CIDEC: variants seen among roughly 807,000 people sequenced by gnomAD.
CIDEC encodes cell death inducing DFFA like effector c, also known as lipid transferase CIDEC.
A neutral mutation model predicts 21.9 loss-of-function variants in CIDEC; 11 were observed. The ratio of observed to expected loss-of-function variants is 0.50; its 90% CI spans 0.32 to 0.83. The LOEUF (loss-of-function observed/expected upper bound fraction) is 0.83, where lower values mean the gene tolerates loss of function less well. Among genes scored for constraint, CIDEC ranks in the 40% least tolerant of loss-of-function variants. The pLI is 0.04. For synonymous variants in CIDEC, 127 were observed against 124.9 expected, an observed-to-expected ratio of 1.02 and a Z score of -0.11; for missense variants, 302 against 302.3, an observed-to-expected ratio of 1.00 and a Z score of 0.01.
intron 6 of CIDEC, among the ~76,000 whole-genome samples, chr3:9,869,020 G>A (rs2082309956): frequency 6.6e-6 from 1 of 151,994 alleles, no homozygotes; most frequent in South Asian, 2.1e-4. Context: ...ATAAAGACAG[G>A]GTCTCACTGT....
chr3:9,871,716 A>G, intron 4 of CIDEC, among the ~76,000 whole-genome samples: 1 of 150,426 alleles, frequency 6.6e-6, no homozygotes, highest in Non-Finnish European at 1.5e-5. Context: ...CGCAATCCCC[A>G]CCTCCTGGGT....
In CIDEC at chr3:9,869,684, C is replaced by A. The variant is rs538333789; in HGVS notation, c.554+198G>T. On this transcript the variant is annotated intron_variant, in intron 6 of 6. Transcript: ENST00000336832. ...CATCCAGGTTCCACCAGGAGGAACA[C>A]GTGCACCCCTGGGCACACGCCGGTG... 3.3e-5 allele frequency among the ~76,000 whole-genome samples: 5 copies of A among 152,338 alleles called. No homozygotes were observed. In the East Asian group the frequency reaches 9.6e-4, roughly 29 times the overall value.
intron 2 of CIDEC, 117 bp from the exon 3 acceptor site, chr3:9,878,628 T>A: frequency 8.0e-7 from 1 of 1,250,634 alleles, no homozygotes; most frequent in South Asian, 1.3e-5. Context: ...TATTCTTCTA[T>A]CCCAACTCAC....
chr3:9,870,498 A>G lies in CIDEC; in HGVS notation c.208-176T>C, dbSNP rs1302207612. ...GTCTAGAATAATATTGTCCAATAAA[A>G]TATAATGTAAGTCACATATAATTTT... On this transcript the variant is annotated intron_variant, in intron 4 of 6. Coordinates refer to ENST00000336832, the MANE Select transcript of CIDEC (RefSeq NM_001321142.2). 10 of 1,511,190 alleles carry G rather than the reference A, an allele frequency of 6.6e-6. No homozygotes were observed. The East Asian group carries it at 2.4e-4, about 37-fold the overall frequency. 93.6% of individuals were successfully genotyped at this position (1,511,190 alleles called of 1,614,324 possible). A position where few individuals can be genotyped will look rare whatever the true frequency, so the allele number is the denominator to read the frequency against.
chr3:9,877,667 A>T lies in CIDEC; in HGVS notation c.54-448T>A, dbSNP rs555738260. On this transcript the variant is annotated intron_variant, in intron 3 of 6. Coordinates refer to ENST00000336832, the MANE Select transcript of CIDEC (RefSeq NM_001321142.2). ...AGAGGGAGACCTCGACTTAAAAAAA[A>T]ATAATAAAATAAAAATTAAAAAAAG... Among the ~76,000 whole-genome samples, 513 of 152,280 alleles carry T rather than the reference A, an allele frequency of 3.4e-3. 9 individuals are homozygous for T. In the South Asian group the frequency reaches 0.037, roughly 11 times the overall value.
intron 3 of CIDEC, among the ~76,000 whole-genome samples, chr3:9,877,422 G>C (rs2082442259): frequency 6.6e-6 from 1 of 152,218 alleles, no homozygotes; most frequent in African/African-American, 2.4e-5. Flanking sequence ...CACTTTGGAA[G>C]GCTGAGGTGG....
intron 4 of CIDEC, among the ~76,000 whole-genome samples, chr3:9,871,096 G>T (rs904273585): frequency 1.9e-4 from 28 of 150,994 alleles, no homozygotes; most frequent in Non-Finnish European, 1.6e-4. Flanking sequence ...GTTTTTATAT[G>T]AACATATGTT....
In CIDEC at chr3:9,867,135, C is replaced by T. The variant is rs761212630; in HGVS notation, c.716G>A (p.Ter239=). ...LIPTCLKILQ[*] ...GAAAGCTTCCAAGGACTTGGGCTTT[C>T]ACTGCAGTATCTTCAGACAGGTCGG... Residue 239 remains the stop codon, a stop_retained_variant, in exon 7 of 7, where the codon TGA becomes TAA. Transcript: ENST00000336832. 4.3e-6 allele frequency: 7 copies of T among 1,613,168 alleles called. No homozygotes were observed. In the South Asian group the frequency reaches 6.6e-5, roughly 15 times the overall value.
chr3:9,875,521 T>C lies in CIDEC; in HGVS notation c.207+1545A>G, dbSNP rs139106449. Among the ~76,000 whole-genome samples, 3 of 152,178 alleles carry C rather than the reference T, an allele frequency of 2.0e-5. No homozygotes were observed. The East Asian group carries it at 5.8e-4, about 29-fold the overall frequency. The stretch of plus-strand genomic sequence containing the variant: ...AAAACTGTTCCATACTGAAGGAAAC[T>C]AAAGAGACATACAATTAAATAAACA... On this transcript the variant is annotated intron_variant, in intron 4 of 6. Coordinates refer to ENST00000336832, the MANE Select transcript of CIDEC (RefSeq NM_001321142.2).
In CIDEC at chr3:9,870,174, G is replaced by A. The variant is rs145091411; in HGVS notation, c.356C>T (p.Pro119Leu). The stretch of plus-strand genomic sequence containing the variant: ...CAGGTGGGACCTCACCTGTTCTGAT[G>A]GGGGCTGCCATTTCTGCCCCTTCTG... ...VLQKGQKWQP[P>L]SEQGTRHPLS... The change falls in exon 5 of 7, where the codon CCA (proline) becomes CTA (leucine). Residue 119 changes from proline to leucine, a missense_variant. Physicochemically the swap from Pro to Leu is moderately conservative, Grantham distance 98 (BLOSUM62 -3). Transcript: ENST00000336832. 18 of 1,614,100 alleles carry A rather than the reference G, an allele frequency of 1.1e-5. No homozygotes were observed. The highest frequency in any genetic ancestry group is 3.3e-4 in the Middle Eastern group (2 of 6,062).
intron 1 of CIDEC, 71 bp from the exon 2 acceptor site, chr3:9,879,125 G>T: frequency 2.8e-5 from 8 of 290,678 alleles, no homozygotes; most frequent in Non-Finnish European, 4.5e-5. Context: ...TGGCTATTGA[G>T]TATTTGAAAC....
At chr3:9,869,353 C>A (rs1209489944) in intron 6 of CIDEC, among the ~76,000 whole-genome samples, 2 of 152,024 alleles carry the variant, frequency 1.3e-5, no homozygotes, top group Non-Finnish European at 2.9e-5. Flanking sequence ...TAGCTTCAAG[C>A]GATTCTCCTG....
chr3:9,880,178 A>G (rs2082485653), intron 1 of CIDEC, 46 bp downstream of exon 1: 1 of 152,132 alleles, frequency 6.6e-6, no homozygotes, highest in Non-Finnish European at 1.5e-5. Context: ...CTCCAGGAGC[A>G]AAGAAAAAAA....
rs774815003 is a variant in CIDEC at position 9,868,973 on chromosome 3, T to TTG, written c.554+907_554+908dup. Among the ~76,000 whole-genome samples, 409 of 150,960 alleles carry TTG rather than the reference T, an allele frequency of 2.7e-3. 2 individuals are homozygous for TTG. The highest frequency in any genetic ancestry group is 8.4e-3 in the African/African-American group (348 of 41,190). On this transcript the variant is annotated intron_variant, in intron 6 of 6. Coordinates refer to ENST00000336832, the MANE Select transcript of CIDEC (RefSeq NM_001321142.2). The stretch of plus-strand genomic sequence containing the variant: ...GGTACATACTACCACTGCCAGCATT[T>TTG]TGTGTGTGTGTGTGTGTGCGCACAC...
intron 2 of CIDEC, 169 bp from the exon 3 acceptor site, chr3:9,878,680 G>T (rs1397383469): frequency 2.1e-6 from 3 of 1,429,848 alleles, no homozygotes; most frequent in Non-Finnish European, 2.9e-6. Flanking sequence ...CCCCATGCAT[G>T]CCAACCAAGA....
chr3:9,866,946 C>T lies in CIDEC; in HGVS notation c.*188G>A. 1.4e-6 allele frequency: 1 copy of T among 699,798 alleles called. No individual in the cohort carries two copies. Among genetic ancestry groups the T allele is most frequent in the Admixed American group, 2.0e-5 (1 of 49,240 alleles). The allele number at this position is 699,798 out of a possible 1,614,324, so 43.3% of individuals were successfully genotyped here. ...GGAAGGAGCTGGATCAGGCCAGGAG[C>T]TTGAGGTTCTCCTTTGGCCAACCCA... On this transcript the variant is annotated 3_prime_UTR_variant, in exon 7 of 7. Transcript: ENST00000336832.
chr3:9,874,830 A>T, intron 4 of CIDEC, among the ~76,000 whole-genome samples: 1 of 152,056 alleles, frequency 6.6e-6, no homozygotes, highest in East Asian at 1.9e-4. Context: ...TCCTAGGCTC[A>T]AGTGATCATC....
chr3:9,867,161 G>T lies in CIDEC; in HGVS notation c.690C>A (p.Ile230=). 2 of 1,613,800 alleles carry T rather than the reference G, an allele frequency of 1.2e-6. No homozygotes were observed. Among genetic ancestry groups the T allele is most frequent in the South Asian group, 2.2e-5 (2 of 91,068 alleles). Residue 230 remains isoleucine, a synonymous_variant, in exon 7 of 7, where the codon ATC becomes ATA. Coordinates refer to ENST00000336832, the MANE Select transcript of CIDEC (RefSeq NM_001321142.2). ...QPPKGKASSL[I]PTCLKILQ ...ACTGCAGTATCTTCAGACAGGTCGG[G>T]ATAAGGGATGAGGCCTTGCCCTTGG...
chr3:9,867,220 G>T lies in CIDEC; in HGVS notation c.631C>A (p.Gln211Lys). 6.2e-7 allele frequency: 1 copy of T among 1,614,158 alleles called. No homozygotes were observed. Among genetic ancestry groups the T allele is most frequent in the South Asian group, 1.1e-5 (1 of 91,082 alleles). ...VLLGTSCYLQ[Q>K]LLDATEEGQP... ...CCTTCCTCCGTAGCATCGAGGAGCT[G>T]CTGCAGGTAACAGGAGGTGCCAAGC... Residue 211 changes from glutamine to lysine, a missense_variant, in exon 7 of 7, where the codon CAG becomes AAG. Physicochemically the swap from Gln to Lys is moderately conservative, Grantham distance 53. Coordinates refer to ENST00000336832, the MANE Select transcript of CIDEC (RefSeq NM_001321142.2).
Sources: allele counts gnomAD v4.1 joint callset (sites outside exome capture counted in the v4.1 genomes callset), GRCh38; gene constraint gnomAD v4.1.1; transcripts MANE v1.5; gene names NCBI Gene and HGNC (gene_info 2026-07-23, HGNC 2026-07-21).